FHIT: variants seen among roughly 807,000 people sequenced by gnomAD.
FHIT encodes bis(5'-adenosyl)-triphosphatase.
FHIT carries 19 observed loss-of-function variants against 17.9 expected under a neutral mutation model. The ratio of observed to expected loss-of-function variants is 1.06; its 90% CI spans 0.74 to 1.56. The LOEUF is 1.56. Ranked by LOEUF, FHIT falls within the 40% of genes most tolerant of loss-of-function variation. The pLI, the probability that FHIT is intolerant of heterozygous loss-of-function variation, is 0.00. For missense variants in FHIT, 248 were observed against 189.2 expected (o/e 1.31, Z -1.82); for synonymous variants, 81 against 69.7 (o/e 1.16, Z -0.81).
chr3:60,090,270 C>T (rs1703674362), intron 5 of FHIT, among the ~76,000 whole-genome samples: 1 of 152,170 alleles, frequency 6.6e-6, no homozygotes, highest in Non-Finnish European at 1.5e-5. Flanking sequence ...GATCAATTCA[C>T]AATTTGTTTC....
At chr3:60,485,468 C>A (rs1192472793) in intron 5 of FHIT, among the ~76,000 whole-genome samples, 1 of 152,094 alleles carries the variant, frequency 6.6e-6, no homozygotes, top group Non-Finnish European at 1.5e-5. Context: ...GAATACTATG[C>A]AGACATATAA....
At chr3:59,859,546 C>T (rs1462216628) in intron 8 of FHIT, among the ~76,000 whole-genome samples, 35 of 152,080 alleles carry the variant, frequency 2.3e-4, no homozygotes, top group Admixed American at 2.2e-3. Flanking sequence ...GGTGAAACTC[C>T]GTCTCTACTA....
At chr3:59,884,896 C>T (rs112650153) in intron 8 of FHIT, among the ~76,000 whole-genome samples, 7,716 of 152,180 alleles carry the variant, frequency 0.051, 245 homozygotes, top group Non-Finnish European at 0.072. Context: ...AGATTCTGTA[C>T]AATATTTGAT....
intron 5 of FHIT, among the ~76,000 whole-genome samples, chr3:60,088,351 T>C (rs1670692667): frequency 1.3e-5 from 2 of 152,026 alleles, no homozygotes; most frequent in South Asian, 4.1e-4. Flanking sequence ...CATGGTAGAG[T>C]GGAAAGAGTA....
intron 2 of FHIT, among the ~76,000 whole-genome samples, chr3:61,047,954 C>A (rs917381143): frequency 6.7e-6 from 1 of 150,094 alleles, no homozygotes; most frequent in Admixed American, 6.7e-5. Flanking sequence ...CCCTTCCTTA[C>A]ACCTTATACA....
intron 5 of FHIT, among the ~76,000 whole-genome samples, chr3:60,259,262 T>C (rs866051390): frequency 1.3e-5 from 2 of 152,052 alleles, no homozygotes; most frequent in Admixed American, 6.6e-5. Context: ...CTACTGGAAA[T>C]AGACACTAGT....
At chr3:60,020,354 G>T (rs1395762309) in intron 5 of FHIT, among the ~76,000 whole-genome samples, 1 of 152,160 alleles carries the variant, frequency 6.6e-6, no homozygotes, top group Non-Finnish European at 1.5e-5. Flanking sequence ...AAAGATGACA[G>T]CAGAATATTA....
intron 2 of FHIT, among the ~76,000 whole-genome samples, chr3:61,108,924 G>C (rs2036072099): frequency 6.6e-6 from 1 of 152,148 alleles, no homozygotes; most frequent in South Asian, 2.1e-4. Context: ...ACAGTTCTCT[G>C]GGCAAGCAAC....
At chr3:59,794,019 G>GC (rs1699675696) in intron 8 of FHIT, among the ~76,000 whole-genome samples, 1 of 152,120 alleles carries the variant, frequency 6.6e-6, no homozygotes, top group Admixed American at 6.5e-5. Flanking sequence ...TAATCTCACT[G>GC]CCACATACTC....
intron 8 of FHIT, among the ~76,000 whole-genome samples, chr3:59,905,222 G>C (rs1704531122): frequency 6.6e-6 from 1 of 152,182 alleles, no homozygotes; most frequent in South Asian, 2.1e-4. Context: ...GCCCAGCCAA[G>C]AATAGCAATA....
chr3:61,134,087 T>TCACACACACACAAACACACACACA (rs1213911703), intron 2 of FHIT, among the ~76,000 whole-genome samples: 1 of 42,562 alleles, frequency 2.3e-5, no homozygotes, highest in African/African-American at 1.0e-4. Flanking sequence ...AGACTCTGTC[T>TCACACACACACAAACACACACACA]CACACACACA....
At chr3:59,889,053 C>T (rs1703743194) in intron 8 of FHIT, among the ~76,000 whole-genome samples, 1 of 152,198 alleles carries the variant, frequency 6.6e-6, no homozygotes, top group Non-Finnish European at 1.5e-5. Context: ...TCTTCAAGTT[C>T]CCATCTGTCA....
At chr3:60,835,658 CA>C (rs1702511455) in intron 3 of FHIT, among the ~76,000 whole-genome samples, 1 of 152,148 alleles carries the variant, frequency 6.6e-6, no homozygotes, top group Admixed American at 6.5e-5. Context: ...GGTTGGAGTG[CA>C]GTGGCACACA....
rs1038902563 is a variant in FHIT at position 59,995,211 on chromosome 3, A to T, written c.279+16160T>A. Reference sequence around the variant, plus strand: ...CTGATGTAGGCATTTAGAAAAAAAAAACAACAGAACAAAACCTTATCAAAT... The same window carrying T: ...CTGATGTAGGCATTTAGAAAAAAAATACAACAGAACAAAACCTTATCAAAT... On this transcript the variant is annotated intron_variant, in intron 7 of 9. Transcript: ENST00000492590. Among the ~76,000 whole-genome samples, 7 of 152,098 alleles carry T rather than the reference A, an allele frequency of 4.6e-5. No homozygotes were observed. In the South Asian group the frequency reaches 6.2e-4, roughly 14 times the overall value.
chr3:60,712,747 C>A (rs1393278697), intron 4 of FHIT, among the ~76,000 whole-genome samples: 3 of 146,922 alleles, frequency 2.0e-5, no homozygotes, highest in South Asian at 4.6e-4. Flanking sequence ...TATATATGCA[C>A]CCAATACAGG....
chr3:60,944,582 T>C (rs1553775326), intron 3 of FHIT, among the ~76,000 whole-genome samples: 3 of 152,236 alleles, frequency 2.0e-5, no homozygotes, highest in African/African-American at 4.8e-5. Context: ...GAGACTTTGA[T>C]ATGACATCAT....
At chr3:60,473,422 TAGAA>T (rs2033186873) in intron 5 of FHIT, among the ~76,000 whole-genome samples, 1 of 151,814 alleles carries the variant, frequency 6.6e-6, no homozygotes, top group African/African-American at 2.4e-5. Context: ...GATGTGGAAA[TAGAA>T]AGGGGAATGT....
intron 5 of FHIT, among the ~76,000 whole-genome samples, chr3:60,051,743 G>T (rs1701888936): frequency 1.3e-5 from 2 of 152,048 alleles, no homozygotes; most frequent in Admixed American, 1.3e-4. Flanking sequence ...AAGCTGCCAA[G>T]TCCCCAAGGC....
chr3:60,229,143 G>A (rs774403527), intron 5 of FHIT, among the ~76,000 whole-genome samples: 1 of 152,186 alleles, frequency 6.6e-6, no homozygotes, highest in Non-Finnish European at 1.5e-5. Flanking sequence ...CTGGCCACTT[G>A]CAGTGGCTCA....
Sources: allele counts gnomAD v4.1 joint callset (sites outside exome capture counted in the v4.1 genomes callset), GRCh38; gene constraint gnomAD v4.1.1; transcripts MANE v1.5; gene names NCBI Gene and HGNC (gene_info 2026-07-23, HGNC 2026-07-21).